The following TUBA1C variants were observed in gnomAD, a reference collection of about 807,000 sequenced individuals.
TUBA1C encodes the protein tubulin alpha 1c.
A neutral mutation model predicts 34.9 loss-of-function variants in TUBA1C; 16 were observed. The observed-to-expected ratio is 0.46, with a 90% CI of 0.31 to 0.70. The LOEUF (loss-of-function observed/expected upper bound fraction) is 0.70. TUBA1C is among the 30% of genes least tolerant of loss of function. The pLI is 0.05. For missense variants in TUBA1C, 329 were observed against 587.3 expected (o/e 0.56, Z 4.55); for synonymous variants, 177 against 215.9 (o/e 0.82, Z 1.58).
upstream of TUBA1C, among the ~76,000 whole-genome samples, chr12:49,262,058 T>C (rs1456398173): frequency 6.6e-6 from 1 of 152,090 alleles, no homozygotes; most frequent in Non-Finnish European, 1.5e-5. Flanking sequence ...CAGAGGATCC[T>C]GTCCAATCTC....
chr12:49,230,721 C>T (rs1292245331), intron 1 of TUBA1C, among the ~76,000 whole-genome samples: 1 of 152,150 alleles, frequency 6.6e-6, no homozygotes, highest in Non-Finnish European at 1.5e-5. Context: ...CCTCTCACTT[C>T]AGATATTAGG....
chr12:49,247,963 A>G (rs999705055), intron 1 of TUBA1C, among the ~76,000 whole-genome samples: 1 of 146,230 alleles, frequency 6.8e-6, no homozygotes, highest in Non-Finnish European at 1.5e-5. Flanking sequence ...AAAAAAAAAA[A>G]GAGAGAAAGA....
upstream of TUBA1C, among the ~76,000 whole-genome samples, chr12:49,261,475 C>T (rs1377858140): frequency 2.0e-5 from 3 of 152,094 alleles, no homozygotes; most frequent in Non-Finnish European, 2.9e-5. Flanking sequence ...AATCTGACTC[C>T]TATCTCTTGT....
chr12:49,259,280 T>C (rs1475653631), intron 1 of TUBA1C, among the ~76,000 whole-genome samples: 7 of 151,970 alleles, frequency 4.6e-5, no homozygotes, highest in Non-Finnish European at 1.5e-5. Context: ...TCGCCCAGGC[T>C]GGAATGCAGT....
chr12:49,255,556 C>T (rs533710761), intron 1 of TUBA1C, among the ~76,000 whole-genome samples: 3 of 151,580 alleles, frequency 2.0e-5, no homozygotes, highest in Non-Finnish European at 4.4e-5. Context: ...CTGGTAGATT[C>T]GTCTTTTCTT....
upstream of TUBA1C, among the ~76,000 whole-genome samples, chr12:49,263,903 G>A (rs529119259): frequency 1.7e-3 from 261 of 152,204 alleles, no homozygotes; most frequent in Middle Eastern, 0.01. Flanking sequence ...TCATATGGAT[G>A]AAATGTGATC....
intron 1 of TUBA1C, among the ~76,000 whole-genome samples, chr12:49,236,314 T>C (rs143813621): frequency 4.6e-5 from 7 of 152,266 alleles, no homozygotes; most frequent in Admixed American, 2.0e-4. Context: ...TCAGAAAACG[T>C]TGGGAGAACT....
chr12:49,240,428 A>G (rs1942603169), intron 1 of TUBA1C, among the ~76,000 whole-genome samples: 1 of 152,012 alleles, frequency 6.6e-6, no homozygotes, highest in Admixed American at 6.6e-5. Context: ...AATTCAACTC[A>G]TTTTTGTGTT....
intron 1 of TUBA1C, among the ~76,000 whole-genome samples, chr12:49,239,717 G>A (rs538242561): frequency 1.6e-3 from 247 of 152,076 alleles, no homozygotes; most frequent in Middle Eastern, 0.01. Context: ...CCAGCTACTC[G>A]GGAGGCTGAG....
intron 1 of TUBA1C, among the ~76,000 whole-genome samples, chr12:49,249,684 C>G (rs1942713014): frequency 6.7e-6 from 1 of 149,850 alleles, no homozygotes; most frequent in African/African-American, 2.5e-5. Context: ...ACATGGTGAA[C>G]ACCGTCTCTT....
At position 49,270,638 on chromosome 12, in the gene TUBA1C, T is replaced by C. The variant is rs1168663645; in HGVS notation, c.375+662T>C. On this transcript the variant is annotated intron_variant, in intron 3 of 3. Transcript: ENST00000301072. ...ATTCATGGCTTCATACTTTCTCAGA[T>C]GTTTACGTAGTCTTCCCAGCAAAAC... 2.0e-5 allele frequency among the ~76,000 whole-genome samples: 3 copies of C among 152,346 alleles called. No homozygotes were observed. The South Asian group carries it at 6.2e-4, about 32-fold the overall frequency.
chr12:49,243,174 G>A (rs1042022622), intron 1 of TUBA1C, among the ~76,000 whole-genome samples: 4 of 152,126 alleles, frequency 2.6e-5, no homozygotes, highest in Admixed American at 6.6e-5. Context: ...GGCTGGTTGC[G>A]GTGGCTCATG....
intron 1 of TUBA1C, among the ~76,000 whole-genome samples, chr12:49,265,972 A>G (rs371099723): frequency 7.3e-6 from 1 of 136,482 alleles, no homozygotes; most frequent in Non-Finnish European, 1.6e-5. Context: ...AAAAAAAAAA[A>G]CAAAAAAAAA....
At chr12:49,270,714 G>A (rs1175656670) in intron 3 of TUBA1C, among the ~76,000 whole-genome samples, 4 of 152,206 alleles carry the variant, frequency 2.6e-5, no homozygotes, top group African/African-American at 4.8e-5. Context: ...TGGGCACGGT[G>A]GCTGACATCT....
rs1319672218 is a variant in TUBA1C, at chr12:49,272,947, A to G, written c.1070A>G (p.Tyr357Cys). 2.5e-6 allele frequency: 4 copies of G among 1,614,200 alleles called. No individual in the cohort carries two copies. The highest frequency in any genetic ancestry group is 2.5e-6 in the Non-Finnish European group (3 of 1,180,042). ...ACTGGCTTCAAGGTTGGCATTAATT[A>G]CCAGCCTCCCACTGTGGTGCCTGGC... is the stretch of plus-strand genomic sequence containing the variant. ...CPTGFKVGIN[Y>C]QPPTVVPGGD... The change falls in exon 4 of 4, where the codon TAC (tyrosine) becomes TGC (cysteine). Residue 357 changes from tyrosine (Y) to cysteine (C), a missense_variant. Physicochemically the swap from Tyr to Cys is radical, Grantham distance 194. This residue lies in a region of TUBA1C where 140 missense variants were observed against 289.8 expected (regional missense o/e 0.48). Coordinates refer to ENST00000301072, the MANE Select transcript of TUBA1C (RefSeq NM_032704.5).
chr12:49,229,419 C>T (rs1360750058), intron 1 of TUBA1C, among the ~76,000 whole-genome samples: 2 of 152,176 alleles, frequency 1.3e-5, no homozygotes, highest in Non-Finnish European at 2.9e-5. Context: ...GTGATCCGCC[C>T]GCCTTGGCCT....
At chr12:49,258,365 G>A (rs1162884581) in intron 1 of TUBA1C, among the ~76,000 whole-genome samples, 1 of 152,092 alleles carries the variant, frequency 6.6e-6, no homozygotes, top group Non-Finnish European at 1.5e-5. Context: ...CTTGAGCCCA[G>A]GAGTTTGTGA....
chr12:49,255,380 C>T (rs1942772400), intron 1 of TUBA1C, among the ~76,000 whole-genome samples: 1 of 149,752 alleles, frequency 6.7e-6, no homozygotes, highest in Non-Finnish European at 1.5e-5. Flanking sequence ...ACCACTTTCC[C>T]CAGCAGCTGA....
intron 1 of TUBA1C, among the ~76,000 whole-genome samples, chr12:49,254,814 A>G (rs1482978782): frequency 6.6e-6 from 1 of 151,964 alleles, no homozygotes; most frequent in Non-Finnish European, 1.5e-5. Flanking sequence ...TGGTGACCAG[A>G]CCCTATCCTG....
Sources: gnomAD v4.1 joint callset for allele counts (sites outside exome capture counted in the v4.1 genomes callset) on GRCh38, gnomAD v4.1.1 for gene constraint, gnomAD v4.1.1 regional missense constraint, MANE v1.5 for transcripts, NCBI Gene and HGNC (gene_info 2026-07-23, HGNC 2026-07-21) for gene names.